PIGN: variants seen among roughly 807,000 people sequenced by gnomAD.
The protein encoded by PIGN is phosphatidylinositol glycan anchor biosynthesis class N, also known as GPI ethanolamine phosphate transferase 1.
Under a neutral mutation model 125.4 loss-of-function variants are expected in PIGN, and 117 were observed. The ratio of observed to expected loss-of-function variants is 0.93; its 90% confidence interval spans 0.80 to 1.09. The LOEUF is 1.09. PIGN is among the 50% of genes least tolerant of loss of function. The pLI is 0.00. For missense variants in PIGN, 1,075 were observed against 1,094.9 expected (o/e 0.98, Z 0.26); for synonymous variants, 392 against 377.8 (o/e 1.04, Z -0.44).
intron 14 of PIGN, among the ~76,000 whole-genome samples, chr18:62,128,288 T>C (rs1458302626): frequency 6.6e-6 from 1 of 152,214 alleles, no homozygotes; most frequent in Non-Finnish European, 1.5e-5. Flanking sequence ...TGTGACAAAC[T>C]GAGGACTTTC....
chr18:62,168,140 C>A (rs1045163809), intron 1 of PIGN, among the ~76,000 whole-genome samples: 7 of 151,714 alleles, frequency 4.6e-5, no homozygotes, highest in Admixed American at 3.9e-4. Flanking sequence ...GCCAAGATTG[C>A]GCCATTGCAC....
chr18:62,156,245 T>A (rs1436636226), intron 6 of PIGN, among the ~76,000 whole-genome samples: 2 of 152,236 alleles, frequency 1.3e-5, no homozygotes, highest in African/African-American at 4.8e-5. Context: ...AAATAAATTA[T>A]ATGTTAAATG....
chr18:62,107,777 A>G (rs2034710177), intron 17 of PIGN, among the ~76,000 whole-genome samples: 1 of 152,158 alleles, frequency 6.6e-6, no homozygotes. Flanking sequence ...AATTCACCCA[A>G]GTAATCCTAT....
intron 30 of PIGN, among the ~76,000 whole-genome samples, chr18:62,060,891 T>C (rs907659514): frequency 1.3e-5 from 2 of 152,222 alleles, no homozygotes; most frequent in African/African-American, 4.8e-5. Context: ...GGCAATACTC[T>C]ATAAAGTTTA....
chr18:62,150,343 T>C (rs1033020872), intron 7 of PIGN, among the ~76,000 whole-genome samples: 1 of 152,154 alleles, frequency 6.6e-6, no homozygotes, highest in Non-Finnish European at 1.5e-5. Flanking sequence ...ACAAGACGTA[T>C]ATTGAAGGGG....
intron 28 of PIGN, among the ~76,000 whole-genome samples, chr18:62,082,144 G>A (rs982939101): frequency 6.6e-6 from 1 of 152,042 alleles, no homozygotes; most frequent in South Asian, 2.1e-4. Context: ...AAGACGGACT[G>A]CTCCAGAAAT....
At chr18:62,138,193 CA>C (rs779767711) in intron 14 of PIGN, 49 bp downstream of exon 14, 1 of 1,535,856 alleles carries the variant, frequency 6.5e-7, no homozygotes, top group South Asian at 1.3e-5. Context: ...ATTGCAAACT[CA>C]GTGGAAAATT....
chr18:62,021,523 G>A (rs961871831), intron 23 of PIGN, among the ~76,000 whole-genome samples: 1 of 152,230 alleles, frequency 6.6e-6, no homozygotes, highest in Non-Finnish European at 1.5e-5. Context: ...AAGTGTTGCT[G>A]CACATGCAGT....
chr18:62,032,853 A>G (rs1430714502), intron 23 of PIGN, among the ~76,000 whole-genome samples: 1 of 152,256 alleles, frequency 6.6e-6, no homozygotes, highest in East Asian at 1.9e-4. Flanking sequence ...GGACTACACA[A>G]GAGTTCATGA....
intron 30 of PIGN, chr18:62,069,550 T>C (rs1260508535): frequency 6.6e-6 from 1 of 152,200 alleles, no homozygotes; most frequent in Non-Finnish European, 1.5e-5. Context: ...ACAATATACA[T>C]GAACCTTGAC....
chr18:62,035,260 AT>A (rs2030244463), intron 23 of PIGN, among the ~76,000 whole-genome samples: 1 of 152,166 alleles, frequency 6.6e-6, no homozygotes, highest in African/African-American at 2.4e-5. Flanking sequence ...GTATGTCTTT[AT>A]TAGCAGAATG....
At chr18:62,090,007 A>G (rs2033883447) in intron 24 of PIGN, among the ~76,000 whole-genome samples, 3 of 152,176 alleles carry the variant, frequency 2.0e-5, no homozygotes, top group Non-Finnish European at 4.4e-5. Flanking sequence ...ACAATCATTA[A>G]GGCAGCAGAA....
At chr18:62,062,059 C>A (rs1388871488) in intron 30 of PIGN, among the ~76,000 whole-genome samples, 1 of 152,136 alleles carries the variant, frequency 6.6e-6, no homozygotes, top group African/African-American at 2.4e-5. Flanking sequence ...ATAGAGGATA[C>A]AAAGGAAAGA....
intron 30 of PIGN, among the ~76,000 whole-genome samples, chr18:62,058,405 T>C (rs1320732792): frequency 1.3e-5 from 2 of 152,214 alleles, no homozygotes; most frequent in African/African-American, 4.8e-5. Context: ...GAAAACTCCA[T>C]GCAGTTCATG....
chr18:62,151,206 GAC>G (rs2036524896), intron 7 of PIGN, among the ~76,000 whole-genome samples: 1 of 151,552 alleles, frequency 6.6e-6, no homozygotes, highest in Admixed American at 6.6e-5. Context: ...CAGGTAGTTA[GAC>G]AGGCATGAGT....
In PIGN at chr18:62,154,309, C is replaced by A. The variant is rs541549361; in HGVS notation, c.549+236G>T. 1.2e-4 allele frequency: 58 copies of A among 479,962 alleles called. 1 individual carries two copies. The South Asian group carries it at 2.1e-3, about 18-fold the overall frequency. The allele number at this position is 479,962 out of a possible 1,614,324, so 29.7% of individuals were successfully genotyped here. On this transcript the variant is annotated intron_variant, in intron 7 of 30. Coordinates refer to ENST00000640252, the MANE Select transcript of PIGN (RefSeq NM_176787.5). ...TGAATCACAAACTAGAAACGAAAAA[C>A]AGGTTTCCTAAATCCTAATCTAGGG...
At chr18:62,163,845 G>C (rs1162295735) in intron 1 of PIGN, among the ~76,000 whole-genome samples, 189 bp from the exon 2 acceptor site, 1 of 152,134 alleles carries the variant, frequency 6.6e-6, no homozygotes, top group African/African-American at 2.4e-5. Context: ...ATTCGCCCCT[G>C]TCCTAACCCT....
At chr18:62,048,692 TTTC>T (rs2030949298) in intron 30 of PIGN, among the ~76,000 whole-genome samples, 2 of 93,994 alleles carry the variant, frequency 2.1e-5, no homozygotes, top group Admixed American at 1.3e-4. Flanking sequence ...GAAGTTTTCT[TTTC>T]TTTTTTTTTT....
intron 30 of PIGN, among the ~76,000 whole-genome samples, chr18:62,055,281 C>G (rs1356788347): frequency 6.6e-6 from 1 of 152,174 alleles, no homozygotes; most frequent in East Asian, 1.9e-4. Context: ...ATTAAACAAA[C>G]TGTGGCACAT....
Sources: gnomAD v4.1 joint callset for allele counts (sites outside exome capture counted in the v4.1 genomes callset) on GRCh38, gnomAD v4.1.1 for gene constraint, MANE v1.5 for transcripts, NCBI Gene and HGNC (gene_info 2026-07-23, HGNC 2026-07-21) for gene names.